RNF115: variants seen among roughly 807,000 people sequenced by gnomAD.
The protein encoded by RNF115 is ring finger protein 115.
In RNF115, 31 loss-of-function variants were observed where a neutral mutation model predicts 39.2. That is an observed-to-expected ratio of 0.79 (90% CI 0.59 to 1.07). The LOEUF (loss-of-function observed/expected upper bound fraction) is 1.07, where lower values mean the gene tolerates loss of function less well. Among genes scored for constraint, RNF115 ranks in the 50% least tolerant of loss-of-function variants. The pLI, the probability that RNF115 is intolerant of heterozygous loss-of-function variation, is 0.00. For synonymous variants in RNF115, 124 were observed against 131.0 expected (o/e 0.95, Z 0.37); for missense variants, 384 against 381.7 (o/e 1.01, Z -0.05).
chr1:145,815,299 T>A (rs1429503732), intron 1 of RNF115, among the ~76,000 whole-genome samples: 2 of 152,310 alleles, frequency 1.3e-5, no homozygotes, highest in Non-Finnish European at 2.9e-5. Context: ...TACTACATAG[T>A]TTCTTCAGGT....
Position 145,790,286 on chromosome 1 carries a change from A to G in RNF115, c.103-1320T>C, listed in dbSNP as rs200445411. Among the ~76,000 whole-genome samples, 3 of 151,512 alleles carry G rather than the reference A, an allele frequency of 2.0e-5. No individual in the cohort carries two copies. The East Asian group carries it at 5.9e-4, about 30-fold the overall frequency. Reference sequence around the variant, plus strand: ...CTCCCGAGTAGCTGGGATTACAGGCATGCAACACCACGCCTGGCTAATTTT... The same window carrying G: ...CTCCCGAGTAGCTGGGATTACAGGCGTGCAACACCACGCCTGGCTAATTTT... On this transcript the variant is annotated intron_variant, in intron 1 of 8. Transcript: ENST00000582693.
rs587731234 is a variant in RNF115, at chr1:145,801,678, A to G, written c.103-12712T>C. ...CCTATTAATACGTCAAGTCTTCACA[A>G]CAAACCTCTCCCCAAAATATTTCCA... On this transcript the variant is annotated intron_variant, in intron 1 of 8. Transcript: ENST00000582693. 2.0e-5 allele frequency among the ~76,000 whole-genome samples: 3 copies of G among 152,350 alleles called. No homozygotes were observed. The East Asian group carries it at 5.8e-4, about 29-fold the overall frequency.
At chr1:145,761,409 G>A (rs1658498448) in intron 4 of RNF115, among the ~76,000 whole-genome samples, 1 of 152,224 alleles carries the variant, frequency 6.6e-6, no homozygotes, top group African/African-American at 2.4e-5. Context: ...GGGTCCCCGT[G>A]CTGTGTGCAG....
rs1421428618 is a variant in RNF115 at position 145,744,184 on chromosome 1, A to G, written c.*2682T>C. 1.3e-5 allele frequency: 2 copies of G among 152,306 alleles called. No individual in the cohort carries two copies. Among genetic ancestry groups the G allele is most frequent in the African/African-American group, 4.8e-5 (2 of 41,472 alleles). 9.4% of individuals were successfully genotyped at this position (152,306 alleles called of 1,614,324 possible). A position where few individuals can be genotyped will look rare whatever the true frequency, so the allele number is the denominator to read the frequency against. ...GGCATCTCCAGACACTGACAAGCAA[A>G]TATGTCCAGGCTGTCATGATTTTTC... On this transcript the variant is annotated 3_prime_UTR_variant, in exon 9 of 9. Transcript: ENST00000582693.
chr1:145,769,662 C>A (rs781957812), intron 4 of RNF115, among the ~76,000 whole-genome samples: 7 of 150,028 alleles, frequency 4.7e-5, no homozygotes, highest in African/African-American at 9.8e-5. Flanking sequence ...CATAAGAATA[C>A]AGCAAGTTTT....
chr1:145,823,958 C>A lies in RNF115; in HGVS notation c.-85G>T, dbSNP rs1178862208. 2.9e-5 allele frequency: 28 copies of A among 978,056 alleles called. No homozygotes were observed. Among genetic ancestry groups the A allele is most frequent in the East Asian group, 2.6e-4 (8 of 30,478 alleles). 60.6% of individuals were successfully genotyped at this position (978,056 alleles called of 1,614,324 possible). A position where few individuals can be genotyped will look rare whatever the true frequency, so the allele number is the denominator to read the frequency against. ...ACCTCCCGAGCTGCAGTCGTCGCCG[C>A]CGCCGCCGCCTCGGTGCGGCCCACC... is the stretch of plus-strand genomic sequence containing the variant. On this transcript the variant is annotated 5_prime_UTR_variant, in exon 1 of 9. Coordinates refer to ENST00000582693, the MANE Select transcript of RNF115 (RefSeq NM_014455.4).
intron 2 of RNF115, 115 bp downstream of exon 2, chr1:145,788,793 C>A (rs1648505521): frequency 1.3e-6 from 1 of 788,646 alleles, no homozygotes. Context: ...CTCTCTCACT[C>A]TCGCTCTCTC....
intron 1 of RNF115, among the ~76,000 whole-genome samples, chr1:145,799,487 C>A (rs1649131593): frequency 6.6e-6 from 1 of 151,808 alleles, no homozygotes; most frequent in African/African-American, 2.4e-5. Flanking sequence ...ACTCTTAATA[C>A]TATGTTGAAA....
chr1:145,802,839 T>C (rs1649307360), intron 1 of RNF115, among the ~76,000 whole-genome samples: 1 of 152,192 alleles, frequency 6.6e-6, no homozygotes. Context: ...TCACAGCTCC[T>C]AGGCCAGTAC....
chr1:145,821,358 A>C (rs1650226882), intron 1 of RNF115, among the ~76,000 whole-genome samples: 1 of 131,184 alleles, frequency 7.6e-6, no homozygotes, highest in South Asian at 2.4e-4. Flanking sequence ...GCTTAGAAAA[A>C]CACCTATTCA....
chr1:145,755,905 T>C (rs587711724), intron 4 of RNF115, among the ~76,000 whole-genome samples: 1 of 152,224 alleles, frequency 6.6e-6, no homozygotes, highest in African/African-American at 2.4e-5. Flanking sequence ...AACTGGTTGA[T>C]AATCTAGCTA....
At chr1:145,800,919 C>T (rs1291014777) in intron 1 of RNF115, among the ~76,000 whole-genome samples, 1 of 152,144 alleles carries the variant, frequency 6.6e-6, no homozygotes, top group Non-Finnish European at 1.5e-5. Context: ...CCTGTAATCC[C>T]AGCACTTTGG....
At chr1:145,764,303 G>C (rs934207427) in intron 4 of RNF115, among the ~76,000 whole-genome samples, 11 of 152,348 alleles carry the variant, frequency 7.2e-5, no homozygotes, top group African/African-American at 2.6e-4. Context: ...GCCTCCTAAA[G>C]TGCTGAGATT....
intron 7 of RNF115, 148 bp downstream of exon 7, chr1:145,750,259 T>G (rs1048999897): frequency 4.6e-6 from 3 of 650,668 alleles, no homozygotes; most frequent in African/African-American, 3.7e-5. Context: ...CACTTAAAGG[T>G]CCTTAATATA....
At chr1:145,798,608 CTTTG>C (rs782794447) in intron 1 of RNF115, among the ~76,000 whole-genome samples, 10 of 152,138 alleles carry the variant, frequency 6.6e-5, no homozygotes, top group Non-Finnish European at 1.5e-4. Flanking sequence ...AGTCCTCCAG[CTTTG>C]TTTTTCTTTT....
chr1:145,767,080 C>G (rs1571727974), intron 4 of RNF115, among the ~76,000 whole-genome samples: 2 of 150,158 alleles, frequency 1.3e-5, no homozygotes, highest in African/African-American at 4.9e-5. Flanking sequence ...CTGACCCCCC[C>G]ACCTCCTTCC....
chr1:145,758,153 G>A (rs782308294), intron 4 of RNF115, among the ~76,000 whole-genome samples: 11 of 152,178 alleles, frequency 7.2e-5, no homozygotes, highest in Non-Finnish European at 1.5e-4. Context: ...AAATGTAGCA[G>A]GAATGACAGT....
At chr1:145,750,702 G>A (rs781961231) in intron 6 of RNF115, among the ~76,000 whole-genome samples, 6 of 152,160 alleles carry the variant, frequency 3.9e-5, no homozygotes, top group African/African-American at 7.2e-5. Context: ...AGTGACGTTC[G>A]TATAAGCCTA....
rs1553715796 is a variant in RNF115 at position 145,771,759 on chromosome 1, T to G, written c.380A>C (p.Tyr127Ser). The G allele has an allele frequency of 6.2e-6, 10 of 1,614,194 alleles. No homozygotes were observed. The highest frequency in any genetic ancestry group is 8.5e-6 in the Non-Finnish European group (10 of 1,180,008). The change falls in exon 4 of 9, where the codon TAC becomes TCC. Residue 127 changes from tyrosine to serine, a missense_variant. Coordinates refer to ENST00000582693, the MANE Select transcript of RNF115 (RefSeq NM_014455.4). ...RPPRLPLGRR[Y>S]RSRGSSRPDR... Reference sequence around the variant, plus strand: ...AGGACGAGAACTTCCTCGAGATCTGTATCTCCGACCCAATGGCAACCGTGG... The same window carrying G: ...AGGACGAGAACTTCCTCGAGATCTGGATCTCCGACCCAATGGCAACCGTGG...
Sources: allele counts gnomAD v4.1 joint callset (sites outside exome capture counted in the v4.1 genomes callset), GRCh38; gene constraint gnomAD v4.1.1; transcripts MANE v1.5; gene names NCBI Gene and HGNC (gene_info 2026-07-23, HGNC 2026-07-21).